ZFHX3: variants seen among roughly 807,000 people sequenced by gnomAD.
ZFHX3 encodes the protein zinc finger homeobox 3, also known as zinc finger homeobox protein 3.
ZFHX3 carries 42 observed loss-of-function variants against 279.1 expected under a neutral mutation model. The observed-to-expected ratio is 0.15, with a 90% confidence interval of 0.12 to 0.19. The LOEUF (loss-of-function observed/expected upper bound fraction) is 0.19. Ranked by LOEUF, ZFHX3 falls within the 10% of genes least tolerant of loss-of-function variation. ZFHX3 has a pLI of 1.00. For missense variants in ZFHX3, 4,981 were observed against 4,754.0 expected (o/e 1.05, Z -1.40); for synonymous variants, 2,293 against 1,957.8 (o/e 1.17, Z -4.52).
At chr16:72,950,172 G>A (rs1960911917) in intron 3 of ZFHX3, among the ~76,000 whole-genome samples, 1 of 151,698 alleles carries the variant, frequency 6.6e-6, no homozygotes, top group Admixed American at 6.6e-5. Flanking sequence ...ATGCAAAAGA[G>A]CCCATGTAAG....
intron 2 of ZFHX3, among the ~76,000 whole-genome samples, chr16:73,469,079 G>A (rs550123931): frequency 6.6e-6 from 1 of 152,314 alleles, no homozygotes; most frequent in South Asian, 2.1e-4. Flanking sequence ...TATCTGTAGA[G>A]GCCACTGTTA....
rs565836800 is a variant in ZFHX3, at chr16:73,872,508, T to C, written c.-1608+19143A>G. Among the ~76,000 whole-genome samples, 18 of 152,110 alleles carry C rather than the reference T, an allele frequency of 1.2e-4. No homozygotes were observed. The East Asian group carries it at 3.5e-3, about 30-fold the overall frequency. ...CCTCAGCCTCCCAAATTGCTGGGAT[T>C]ACAGGCATGAGCCACTGCCAGGCCA... On this transcript the variant is annotated intron_variant, in intron 1 of 17. Coordinates refer to the ZFHX3 transcript ENST00000641206.
chr16:73,540,491 A>G (rs949738489), intron 2 of ZFHX3, among the ~76,000 whole-genome samples: 2 of 152,314 alleles, frequency 1.3e-5, no homozygotes, highest in African/African-American at 4.8e-5. Flanking sequence ...CTATGCCTCC[A>G]TTGTCCAGCC....
intron 2 of ZFHX3, among the ~76,000 whole-genome samples, chr16:73,625,127 T>A (rs143812835): frequency 2.6e-5 from 4 of 152,328 alleles, no homozygotes; most frequent in African/African-American, 9.6e-5. Context: ...AATATAGATG[T>A]GGAACTGTGC....
intron 2 of ZFHX3, among the ~76,000 whole-genome samples, chr16:73,480,267 G>T (rs776394690): frequency 1.3e-4 from 20 of 151,758 alleles, no homozygotes; most frequent in Non-Finnish European, 2.8e-4. Context: ...CTTTGTCAGT[G>T]TGTTTGGTAG....
chr16:73,510,175 T>G lies in ZFHX3; in HGVS notation c.-1546-53917A>C, dbSNP rs182435803. 3.5e-4 allele frequency among the ~76,000 whole-genome samples: 53 copies of G among 152,316 alleles called. No homozygotes were observed. In the East Asian group the frequency reaches 9.8e-3, roughly 28 times the overall value. The stretch of plus-strand genomic sequence containing the variant: ...CTGATCAGCAAATCTAAAGGCATCA[T>G]CTAGCCACTTGCAATTACACCACTC... On this transcript the variant is annotated intron_variant, in intron 2 of 17. Transcript: ENST00000641206.
intron 4 of ZFHX3, among the ~76,000 whole-genome samples, chr16:72,864,273 A>G (rs910719304): frequency 1.1e-4 from 17 of 152,126 alleles, no homozygotes; most frequent in African/African-American, 4.1e-4. Context: ...TGTAAGCTGC[A>G]CAAGAGCTGG....
intron 3 of ZFHX3, among the ~76,000 whole-genome samples, chr16:73,418,687 G>C (rs1015769769): frequency 6.6e-6 from 1 of 152,194 alleles, no homozygotes; most frequent in African/African-American, 2.4e-5. Context: ...GGCTTTGTCC[G>C]TATTTCCAAA....
At chr16:73,078,598 C>T (rs2144763216) in intron 8 of ZFHX3, among the ~76,000 whole-genome samples, 1 of 152,172 alleles carries the variant, frequency 6.6e-6, no homozygotes, top group East Asian at 1.9e-4. Context: ...CCACCTGCCT[C>T]TGGATTGCTA....
intron 2 of ZFHX3, among the ~76,000 whole-genome samples, chr16:73,645,326 G>A (rs753508670): frequency 4.6e-5 from 7 of 152,002 alleles, no homozygotes; most frequent in African/African-American, 9.7e-5. Flanking sequence ...GCATGATCTC[G>A]GCTCACTGCA....
intron 5 of ZFHX3, among the ~76,000 whole-genome samples, chr16:73,155,494 CA>C (rs1305175192): frequency 6.6e-6 from 1 of 152,084 alleles, no homozygotes; most frequent in East Asian, 1.9e-4. Context: ...ACATTTTAAA[CA>C]AGTGCTAGTG....
At chr16:73,151,334 T>A (rs1039206034) in intron 5 of ZFHX3, among the ~76,000 whole-genome samples, 2 of 152,050 alleles carry the variant, frequency 1.3e-5, no homozygotes, top group Admixed American at 6.6e-5. Context: ...AGGTCAGGCA[T>A]CTCAGAGGGG....
intron 2 of ZFHX3, among the ~76,000 whole-genome samples, chr16:73,618,528 T>C (rs975967343): frequency 3.2e-4 from 48 of 152,240 alleles, no homozygotes; most frequent in Non-Finnish European, 7.3e-5. Context: ...ACAAGGTTGA[T>C]ATTCAAAATT....
chr16:73,865,009 C>T (rs1187189359), intron 1 of ZFHX3, among the ~76,000 whole-genome samples: 1 of 152,176 alleles, frequency 6.6e-6, no homozygotes, highest in East Asian at 1.9e-4. Context: ...AGCTTCTTCT[C>T]TACTGCTGTT....
At chr16:72,892,579 C>T (rs1467512309) in intron 3 of ZFHX3, among the ~76,000 whole-genome samples, 8 of 150,976 alleles carry the variant, frequency 5.3e-5, no homozygotes, top group Non-Finnish European at 8.8e-5. Context: ...TTAATCTTGG[C>T]TCATTGCAAC....
chr16:72,829,410 C>CG, intron 5 of ZFHX3: 1 of 202,308 alleles, frequency 4.9e-6, no homozygotes, highest in Non-Finnish European at 1.0e-5. Context: ...AGCGACTGGA[C>CG]CTTCAATAGA....
intron 1 of ZFHX3, among the ~76,000 whole-genome samples, chr16:73,021,971 T>A (rs111465723): frequency 2.0e-5 from 3 of 151,068 alleles, no homozygotes; most frequent in African/African-American, 7.3e-5. Context: ...AAGGAATGAG[T>A]CTTTACTCAA....
rs571834571 is a variant in ZFHX3, at chr16:73,709,672, A to G, written c.-1607-29432T>C. On this transcript the variant is annotated intron_variant, in intron 1 of 17. Transcript: ENST00000641206. ...GGTCAAAGGATACAAAATTTCAGTT[A>G]GGAAGAATAACTTCAAGAGATCTAG... 2.0e-5 allele frequency among the ~76,000 whole-genome samples: 3 copies of G among 152,198 alleles called. No individual in the cohort carries two copies. The South Asian group carries it at 6.2e-4, about 32-fold the overall frequency.
At chr16:73,301,860 G>A (rs990140807) in intron 4 of ZFHX3, among the ~76,000 whole-genome samples, 4 of 149,674 alleles carry the variant, frequency 2.7e-5, no homozygotes, top group Non-Finnish European at 1.5e-5. Context: ...AATCTGATCC[G>A]GCAAGAGCAT....
Sources: allele counts gnomAD v4.1 joint callset (sites outside exome capture counted in the v4.1 genomes callset), GRCh38; gene constraint gnomAD v4.1.1; transcripts MANE v1.5; gene names NCBI Gene and HGNC (gene_info 2026-07-23, HGNC 2026-07-21).